Variants in MGAT4C observed in about 807,000 individuals in gnomAD.
The protein encoded by MGAT4C is MGAT4 family member C.
MGAT4C carries 19 observed loss-of-function variants against 40.1 expected under a neutral mutation model. The observed-to-expected ratio is 0.47, with a 90% CI of 0.33 to 0.70. The LOEUF is 0.70. Ranked by LOEUF, MGAT4C falls within the 30% of genes least tolerant of loss-of-function variation. The probability of loss-of-function intolerance (pLI) is 0.02; values close to 1 mark genes in which losing one functional copy is unlikely to be tolerated. For synonymous variants in MGAT4C, 181 were observed against 187.1 expected (o/e 0.97, Z 0.27); for missense variants, 491 against 563.2 (o/e 0.87, Z 1.30).
At chr12:86,530,244 T>C (rs1357606789) in intron 2 of MGAT4C, among the ~76,000 whole-genome samples, 23 of 151,978 alleles carry the variant, frequency 1.5e-4, no homozygotes, top group Non-Finnish European at 5.9e-5. Context: ...ATCCTTGGCA[T>C]TAGCAACTAG....
At chr12:86,117,554 T>A (rs544790960) in intron 1 of MGAT4C, among the ~76,000 whole-genome samples, 8 of 152,224 alleles carry the variant, frequency 5.3e-5, no homozygotes, top group Non-Finnish European at 1.0e-4. Context: ...GATATAGGAA[T>A]GTTAGAATGA....
chr12:86,405,577 AG>A, intron 3 of MGAT4C, among the ~76,000 whole-genome samples: 1 of 152,008 alleles, frequency 6.6e-6, no homozygotes, highest in Admixed American at 6.6e-5. Context: ...ACAGTTGTAA[AG>A]CAATTCTTAT....
intron 2 of MGAT4C, among the ~76,000 whole-genome samples, chr12:86,626,715 T>C (rs956276103): frequency 1.7e-4 from 26 of 152,318 alleles, no homozygotes; most frequent in Non-Finnish European, 8.8e-5. Context: ...TAAATGGTAA[T>C]AGAATTATTC....
intron 2 of MGAT4C, among the ~76,000 whole-genome samples, chr12:86,689,321 C>T (rs968815229): frequency 1.3e-5 from 2 of 152,042 alleles, no homozygotes; most frequent in Non-Finnish European, 2.9e-5. Flanking sequence ...TTGTTATTAC[C>T]CACCTTCTGA....
At chr12:86,048,784 C>T (rs907888472) in intron 2 of MGAT4C, among the ~76,000 whole-genome samples, 1 of 151,988 alleles carries the variant, frequency 6.6e-6, no homozygotes, top group Admixed American at 6.6e-5. Flanking sequence ...TAAGAGAAGA[C>T]TTTAAAAGCA....
chr12:86,431,956 CAG>C (rs143727218), intron 3 of MGAT4C, among the ~76,000 whole-genome samples: 57 of 148,814 alleles, frequency 3.8e-4, no homozygotes, highest in Non-Finnish European at 3.6e-4. Context: ...AAGAGCGAGA[CAG>C]AGAGAGAGAG....
Position 86,479,819 on chromosome 12 carries a change from G to A in MGAT4C, c.-228-44554C>T, listed in dbSNP as rs570496124. On this transcript the variant is annotated intron_variant, in intron 2 of 7. Coordinates refer to the MGAT4C transcript ENST00000548651. ...AGCCTCATCAAAAATAAAATTGGGA[G>A]TAAGGAAAAATCCTAGAAATCAAAG... Among the ~76,000 whole-genome samples the A allele has an allele frequency of 2.8e-4, 42 of 151,744 alleles. 1 individual carries two copies. The highest frequency in any genetic ancestry group is 9.9e-4 in the African/African-American group (41 of 41,478).
chr12:86,101,037 C>T (rs1874936543), intron 1 of MGAT4C, among the ~76,000 whole-genome samples: 1 of 151,512 alleles, frequency 6.6e-6, no homozygotes, highest in African/African-American at 2.4e-5. Context: ...TTTTTCTATT[C>T]ACTTCTCAAC....
At chr12:86,326,455 T>C (rs960400503) in intron 4 of MGAT4C, among the ~76,000 whole-genome samples, 2 of 152,048 alleles carry the variant, frequency 1.3e-5, no homozygotes, top group Non-Finnish European at 1.5e-5. Context: ...ATTTATCTAT[T>C]ATACCTCAGT....
At chr12:86,407,914 AATAGTC>A (rs1465530555) in intron 3 of MGAT4C, among the ~76,000 whole-genome samples, 1 of 152,132 alleles carries the variant, frequency 6.6e-6, no homozygotes, top group African/African-American at 2.4e-5. Context: ...ACAGATATCC[AATAGTC>A]ACAAGAAAGT....
intron 2 of MGAT4C, among the ~76,000 whole-genome samples, chr12:86,561,673 G>A (rs909450886): frequency 2.6e-5 from 4 of 152,122 alleles, no homozygotes; most frequent in East Asian, 1.9e-4. Flanking sequence ...TACTCAGATT[G>A]TAGGTGGCCT....
intron 2 of MGAT4C, among the ~76,000 whole-genome samples, chr12:86,586,033 C>T (rs909779922): frequency 4.8e-4 from 72 of 149,972 alleles, no homozygotes; most frequent in African/African-American, 1.5e-3. Context: ...ATGTGCCATG[C>T]TGGTGTGCTG....
chr12:86,403,944 A>G (rs567508900), intron 3 of MGAT4C, among the ~76,000 whole-genome samples: 38 of 152,342 alleles, frequency 2.5e-4, no homozygotes, highest in Non-Finnish European at 4.4e-4. Flanking sequence ...GTAAAATTGT[A>G]TATACTGGAA....
At chr12:86,837,602 C>T (rs954110736) in intron 1 of MGAT4C, among the ~76,000 whole-genome samples, 9 of 152,044 alleles carry the variant, frequency 5.9e-5, no homozygotes, top group East Asian at 1.9e-4. Context: ...GTCAAATATA[C>T]CTGCTATTCT....
intron 2 of MGAT4C, among the ~76,000 whole-genome samples, chr12:86,614,648 A>AAT (rs369216131): frequency 0.012 from 1,872 of 150,856 alleles, 31 homozygotes; most frequent in African/African-American, 0.042. Flanking sequence ...TATTTGCAAA[A>AAT]ATATATATAT....
At chr12:86,803,152 C>T (rs1952266838) in intron 1 of MGAT4C, among the ~76,000 whole-genome samples, 2 of 149,516 alleles carry the variant, frequency 1.3e-5, no homozygotes, top group Non-Finnish European at 3.0e-5. Flanking sequence ...CTGAGAAAAA[C>T]AAGCAATGGG....
At chr12:86,834,131 T>C (rs1353084882) in intron 1 of MGAT4C, among the ~76,000 whole-genome samples, 1 of 151,580 alleles carries the variant, frequency 6.6e-6, no homozygotes, top group Non-Finnish European at 1.5e-5. Flanking sequence ...TCTATCTCTA[T>C]CTGTCTATAT....
chr12:86,830,863 T>C (rs1015763084), intron 1 of MGAT4C, among the ~76,000 whole-genome samples: 7 of 151,850 alleles, frequency 4.6e-5, no homozygotes, highest in Non-Finnish European at 8.8e-5. Flanking sequence ...AGCCCCACTC[T>C]ACATTTCCAA....
intron 2 of MGAT4C, among the ~76,000 whole-genome samples, chr12:86,655,223 C>T (rs1224843880): frequency 6.6e-6 from 1 of 151,898 alleles, no homozygotes; most frequent in African/African-American, 2.4e-5. Context: ...GTGTGATGTT[C>T]CCTGCCCTGT....
Sources: gnomAD v4.1 joint callset for allele counts (sites outside exome capture counted in the v4.1 genomes callset) on GRCh38, gnomAD v4.1.1 for gene constraint, MANE v1.5 for transcripts, NCBI Gene and HGNC (gene_info 2026-07-23, HGNC 2026-07-21) for gene names.